The following LINC00632 variants were observed in gnomAD, a reference collection of about 807,000 sequenced individuals.
LINC00632 encodes long independently transcribed non-coding RNA 632.
exon 5 of LINC00632, among the ~76,000 whole-genome samples, chrX:140,785,179 A>AAT (rs1556030709): frequency 1.9e-5 from 2 of 103,913 alleles, no homozygotes; most frequent in African/African-American, 7.0e-5. Flanking sequence ...AAAGAATAAT[A>AAT]ATAATATAAT....
exon 5 of LINC00632, among the ~76,000 whole-genome samples, chrX:140,776,572 G>T (rs1316191645): frequency 8.9e-6 from 1 of 112,693 alleles, no homozygotes; most frequent in African/African-American, 3.2e-5. Context: ...GGGGTGTCGC[G>T]CGCTGGCCTG....
At chrX:140,721,259 A>G (rs1449984289) in intron 2 of LINC00632, among the ~76,000 whole-genome samples, 1 of 111,389 alleles carries the variant, frequency 9.0e-6, no homozygotes, top group Non-Finnish European at 1.9e-5. Flanking sequence ...AACACCCAGA[A>G]TGGCCCTGCA....
At chrX:140,719,286 C>T (rs979600017) in intron 2 of LINC00632, among the ~76,000 whole-genome samples, 2 of 110,738 alleles carry the variant, frequency 1.8e-5, no homozygotes, top group South Asian at 4.0e-4. Context: ...CAGCAATACC[C>T]GATAAACAGT....
chrX:140,724,781 CAT>C (rs774279823), intron 2 of LINC00632, among the ~76,000 whole-genome samples: 1 of 6,038 alleles, frequency 1.7e-4, no homozygotes, highest in South Asian at 5.0e-3. Flanking sequence ...TACACACACC[CAT>C]ACTCATTCCA....
At chrX:140,719,985 G>A (rs1930699645) in intron 2 of LINC00632, among the ~76,000 whole-genome samples, 1 of 108,702 alleles carries the variant, frequency 9.2e-6, no homozygotes, top group Admixed American at 9.9e-5. Flanking sequence ...TACTCAGGAG[G>A]TTGAGGCAGG....
intron 2 of LINC00632, among the ~76,000 whole-genome samples, chrX:140,723,095 A>G (rs1026266165): frequency 9.0e-6 from 1 of 110,790 alleles, no homozygotes; most frequent in Non-Finnish European, 1.9e-5. Context: ...TCACACCAAG[A>G]CTTGCTTCAG....
At chrX:140,711,443 T>G (rs374894164) in intron 1 of LINC00632, among the ~76,000 whole-genome samples, 22 of 112,050 alleles carry the variant, frequency 2.0e-4, no homozygotes, top group African/African-American at 6.1e-4. Flanking sequence ...CCCCATATTT[T>G]AAAATATTCC....
chrX:140,711,340 T>A (rs754978569), intron 1 of LINC00632, among the ~76,000 whole-genome samples: 1 of 111,617 alleles, frequency 9.0e-6, no homozygotes, highest in East Asian at 2.8e-4. Context: ...TGCAAATAAA[T>A]GCATAGAAAT....
exon 5 of LINC00632, among the ~76,000 whole-genome samples, chrX:140,785,366 G>C (rs1374838195): frequency 2.7e-5 from 3 of 111,791 alleles, no homozygotes; most frequent in African/African-American, 3.2e-5. Flanking sequence ...CTGGCACACA[G>C]AGGTGAAGTA....
chrX:140,714,816 T>A (rs1365551781), intron 2 of LINC00632: 1 of 72,434 alleles, frequency 1.4e-5, no homozygotes, highest in African/African-American at 6.0e-5. Flanking sequence ...GGGCAAAACT[T>A]TGCCTCAAAA....
chrX:140,765,138 C>G (rs769163839), intron 3 of LINC00632, among the ~76,000 whole-genome samples: 1 of 111,994 alleles, frequency 8.9e-6, no homozygotes, highest in African/African-American at 3.2e-5. Context: ...CCTCACTTGC[C>G]TCACCCGAAT....
chrX:140,769,545 G>A (rs1387985896), intron 3 of LINC00632, among the ~76,000 whole-genome samples: 1 of 109,454 alleles, frequency 9.1e-6, no homozygotes, highest in East Asian at 2.9e-4. Flanking sequence ...GGAAGAATAG[G>A]TCAGATTAAT....
At chrX:140,711,619 A>G (rs1414925689) in intron 1 of LINC00632, 4 of 318,166 alleles carry the variant, frequency 1.3e-5, no homozygotes, top group African/African-American at 1.1e-4. Flanking sequence ...TTTTCTCCCT[A>G]GGAAAAATTC....
chrX:140,782,189 T>TC (rs200406652), exon 5 of LINC00632, among the ~76,000 whole-genome samples: 2,952 of 112,144 alleles, frequency 0.026, 84 homozygotes, highest in African/African-American at 0.09. Flanking sequence ...TCTCATGATG[T>TC]CTTTTAATTT....
chrX:140,788,603 AAT>A (rs759494617), exon 5 of LINC00632, among the ~76,000 whole-genome samples: 238 of 109,696 alleles, frequency 2.2e-3, no homozygotes, highest in African/African-American at 7.3e-3. Flanking sequence ...AGGAAAATAC[AAT>A]ATTATATTTA....
At chrX:140,771,612 TACACACACACACAC>T (rs77229499) in intron 3 of LINC00632, among the ~76,000 whole-genome samples, 2 of 79,733 alleles carry the variant, frequency 2.5e-5, no homozygotes, top group African/African-American at 9.4e-5. Context: ...TTGGCATATA[TACACACACACACAC>T]ACACACACAC....
At chrX:140,783,931 C>T (rs752016876) in exon 5 of LINC00632, 1 of 1,208,536 alleles carries the variant, frequency 8.3e-7, no homozygotes, top group East Asian at 3.0e-5. Flanking sequence ...CCAAAAAAGC[C>T]ATGTCTTCCA....
exon 5 of LINC00632, chrX:140,782,717 C>T (rs5907639): frequency 0.43 from 47,336 of 110,241 alleles, 8,005 homozygotes; most frequent in Middle Eastern, 0.58. Context: ...CCTCCAATGC[C>T]CAAGTCTTTA....
At chrX:140,746,977 G>T (rs1044726543) in intron 3 of LINC00632, among the ~76,000 whole-genome samples, 3 of 111,766 alleles carry the variant, frequency 2.7e-5, no homozygotes, top group Non-Finnish European at 3.8e-5. Flanking sequence ...TTGGCCCTAA[G>T]ATTTGAAAGA....
Sources: gnomAD v4.1 joint callset for allele counts (sites outside exome capture counted in the v4.1 genomes callset) on GRCh38, gnomAD v4.1.1 for gene constraint, MANE v1.5 for transcripts, NCBI Gene and HGNC (gene_info 2026-07-23, HGNC 2026-07-21) for gene names.